Variants in CACNA1C observed in about 807,000 individuals in gnomAD.
CACNA1C encodes the protein voltage-dependent L-type calcium channel subunit alpha-1C.
A neutral mutation model predicts 229.0 loss-of-function variants in CACNA1C; 30 were observed. The observed-to-expected ratio is 0.13, with a 90% CI of 0.10 to 0.18. The LOEUF (loss-of-function observed/expected upper bound fraction) is 0.18. Among genes scored for constraint, CACNA1C ranks in the 10% least tolerant of loss-of-function variants. The pLI is 1.00. For missense variants in CACNA1C, 1,658 were observed against 2,845.0 expected (o/e 0.58, Z 9.49); for synonymous variants, 1,114 against 1,132.5 (o/e 0.98, Z 0.33).
chr12:2,400,049 A>AG (rs1595263104), intron 3 of CACNA1C, among the ~76,000 whole-genome samples: 1 of 152,180 alleles, frequency 6.6e-6, no homozygotes, highest in Non-Finnish European at 1.5e-5. Context: ...GGTGAAAGCA[A>AG]GGGGGGTGTA....
chr12:2,033,999 C>T (rs1251831733), intron 1 of CACNA1C, among the ~76,000 whole-genome samples: 3 of 152,092 alleles, frequency 2.0e-5, no homozygotes, highest in South Asian at 2.1e-4. Context: ...AGCAAAGATT[C>T]GTAGAGAGGG....
chr12:2,580,446 TGGTGATGA>T (rs1180785357), intron 13 of CACNA1C, among the ~76,000 whole-genome samples: 1 of 152,180 alleles, frequency 6.6e-6, no homozygotes, highest in Non-Finnish European at 1.5e-5. Flanking sequence ...CTGTCTGGAT[TGGTGATGA>T]GCTGGGAATC....
intron 3 of CACNA1C, among the ~76,000 whole-genome samples, chr12:2,417,029 C>T (rs2098916963): frequency 6.6e-6 from 1 of 152,350 alleles, no homozygotes. Context: ...TCCGTACACA[C>T]CTCTCTTAAA....
Position 2,678,989 on chromosome 12 carries a change from A to T in CACNA1C, c.5092-455A>T, listed in dbSNP as rs2096971291. Among the ~76,000 whole-genome samples the T allele has an allele frequency of 6.6e-6, 1 of 152,258 alleles. No homozygotes were observed. Among genetic ancestry groups the T allele is most frequent in the South Asian group, 2.1e-4 (1 of 4,832 alleles). On this transcript the variant is annotated intron_variant, in intron 41 of 46. Transcript: ENST00000399655. This position sits in a 1 kb window ranked among gnomAD's most constrained non-coding sequence, Gnocchi z 4.1. ...CCAACCAGCTTTTAGCTCTGTGAGC[A>T]CACTGGGTTTCCATTTTTTAAATCT...
In CACNA1C at chr12:2,176,584, G is replaced by A. The variant is rs570233837; in HGVS notation, c.477+56154G>A. On this transcript the variant is annotated intron_variant, in intron 3 of 46. Transcript: ENST00000399655. ...CTATTGGGGGGGTTGGAGCTGGGGGGCAGCAAGTGCTTCACCTGTTCCTAG... is the reference window on the plus strand; with the variant it reads ...CTATTGGGGGGGTTGGAGCTGGGGGACAGCAAGTGCTTCACCTGTTCCTAG... Among the ~76,000 whole-genome samples, 39 of 140,726 alleles carry A rather than the reference G, an allele frequency of 2.8e-4. 1 individual carries two copies. The South Asian group carries it at 9.7e-3, about 35-fold the overall frequency. The allele number at this position is 140,726 out of a possible 152,430, so 92.3% of individuals were successfully genotyped here. A position where few individuals can be genotyped will look rare whatever the true frequency, so the allele number is the denominator to read the frequency against.
intron 1 of CACNA1C, among the ~76,000 whole-genome samples, chr12:1,987,687 T>C (rs1414144259): frequency 1.3e-5 from 2 of 152,292 alleles, no homozygotes; most frequent in Non-Finnish European, 2.9e-5. Flanking sequence ...GAGGATTCAG[T>C]TTTCTTACAA....
In CACNA1C at chr12:2,656,980, T is replaced by C. The variant is rs189082006; in HGVS notation, c.4232+1742T>C. Among the ~76,000 whole-genome samples, 96 of 152,338 alleles carry C rather than the reference T, an allele frequency of 6.3e-4. 1 individual carries two copies. In the East Asian group the frequency reaches 0.014, roughly 22 times the overall value. ...ATGTTCAAAATTATGAGGAAAAATGTATTTTTGAATCTGGCCCTCTAAATA... is the reference window on the plus strand; with the variant it reads ...ATGTTCAAAATTATGAGGAAAAATGCATTTTTGAATCTGGCCCTCTAAATA... On this transcript the variant is annotated intron_variant, in intron 34 of 46. Coordinates refer to ENST00000399655, the MANE Select transcript of CACNA1C (RefSeq NM_000719.7).
chr12:2,554,669 A>T (rs1355311711), intron 10 of CACNA1C, among the ~76,000 whole-genome samples: 2 of 152,140 alleles, frequency 1.3e-5, no homozygotes. Context: ...GCACCTTTCC[A>T]GCCCAGAACC....
chr12:2,450,824 G>A (rs116689172), intron 4 of CACNA1C, among the ~76,000 whole-genome samples: 2,693 of 152,126 alleles, frequency 0.018, 90 homozygotes, highest in African/African-American at 0.061. Context: ...ATCCTTTTGT[G>A]CCATCCCGGA....
At chr12:2,194,021 G>C (rs2097321974) in intron 3 of CACNA1C, among the ~76,000 whole-genome samples, 1 of 152,046 alleles carries the variant, frequency 6.6e-6, no homozygotes, top group Non-Finnish European at 1.5e-5. Context: ...GGATACCTCA[G>C]CTCCAACTGG....
chr12:2,166,052 A>G (rs2096208995), intron 3 of CACNA1C, among the ~76,000 whole-genome samples: 1 of 152,252 alleles, frequency 6.6e-6, no homozygotes, highest in Non-Finnish European at 1.5e-5. Context: ...GAAACTTCAA[A>G]GACTTGTCTT....
intron 3 of CACNA1C, among the ~76,000 whole-genome samples, chr12:2,307,730 A>G (rs2095155986): frequency 1.3e-5 from 2 of 152,114 alleles, no homozygotes; most frequent in Admixed American, 1.3e-4. Context: ...GTGCATTTGA[A>G]TTTGCATGGT....
chr12:2,317,095 G>C (rs2095731690), intron 3 of CACNA1C, among the ~76,000 whole-genome samples: 1 of 152,206 alleles, frequency 6.6e-6, no homozygotes, highest in Non-Finnish European at 1.5e-5. Context: ...TAGAAAAATG[G>C]TGTGGTGTTT....
chr12:2,537,667 A>G (rs1202356657), intron 9 of CACNA1C, among the ~76,000 whole-genome samples: 1 of 152,200 alleles, frequency 6.6e-6, no homozygotes, highest in African/African-American at 2.4e-5. Context: ...GACACCACTA[A>G]TGTCCTTTTA....
intron 3 of CACNA1C, among the ~76,000 whole-genome samples, 179 bp from the exon 4 acceptor site, chr12:2,448,797 G>A (rs954665773): frequency 3.9e-5 from 6 of 152,042 alleles, no homozygotes; most frequent in Non-Finnish European, 8.8e-5. Context: ...CAGTAGCTTG[G>A]TGCTGTCGCG....
chr12:2,177,159 T>C (rs746241108), intron 3 of CACNA1C, among the ~76,000 whole-genome samples: 1 of 152,112 alleles, frequency 6.6e-6, no homozygotes, highest in South Asian at 2.1e-4. Flanking sequence ...GATGAGCATC[T>C]CTCCTTGCCT....
At chr12:2,359,545 T>A (rs1022134686) in intron 3 of CACNA1C, among the ~76,000 whole-genome samples, 6 of 152,156 alleles carry the variant, frequency 3.9e-5, no homozygotes, top group Non-Finnish European at 2.9e-5. Context: ...AGGATTTTTT[T>A]TTTTTTTTTT....
intron 1 of CACNA1C, among the ~76,000 whole-genome samples, chr12:2,030,810 T>C (rs1174168508): frequency 6.6e-6 from 1 of 152,172 alleles, no homozygotes; most frequent in Non-Finnish European, 1.5e-5. Flanking sequence ...AGCAGGGAGC[T>C]TGGGCTCAGG....
intron 3 of CACNA1C, among the ~76,000 whole-genome samples, chr12:2,206,151 G>A (rs939848337): frequency 1.3e-5 from 2 of 152,184 alleles, no homozygotes; most frequent in Non-Finnish European, 2.9e-5. Context: ...CGCGTAAACC[G>A]TGTCTGCAGC....
Sources: gnomAD v4.1 joint callset for allele counts (sites outside exome capture counted in the v4.1 genomes callset) on GRCh38, gnomAD v4.1.1 for gene constraint, Gnocchi (gnomAD v3.1) non-coding constraint, MANE v1.5 for transcripts, NCBI Gene and HGNC (gene_info 2026-07-23, HGNC 2026-07-21) for gene names.